The following MIS18A variants were observed in gnomAD, a reference collection of about 807,000 sequenced individuals.
The protein encoded by MIS18A is protein Mis18-alpha.
MIS18A carries 14 observed loss-of-function variants against 25.0 expected under a neutral mutation model. The ratio of observed to expected loss-of-function variants is 0.56; its 90% CI spans 0.37 to 0.88. The LOEUF is 0.88. Ranked by LOEUF, MIS18A falls within the 40% of genes least tolerant of loss-of-function variation. The pLI, the probability that MIS18A is intolerant of heterozygous loss-of-function variation, is 0.00. For synonymous variants in MIS18A, 134 were observed against 118.6 expected, an observed-to-expected ratio of 1.13 and a Z score of -0.84; for missense variants, 292 against 290.8, an observed-to-expected ratio of 1.00 and a Z score of -0.03.
chr21:32,268,915 C>T lies in MIS18A; in HGVS notation c.*122G>A, dbSNP rs1198881243. Reference sequence around the variant, plus strand: ...ATCTGATCCTCCCACCTCAGCGTTTCGCATGCCTGGCTAATTTTTTTTTTC... The same window carrying T: ...ATCTGATCCTCCCACCTCAGCGTTTTGCATGCCTGGCTAATTTTTTTTTTC... On this transcript the variant is annotated 3_prime_UTR_variant, in exon 5 of 5. Transcript: ENST00000290130. The T allele has an allele frequency of 4.4e-6, 3 of 682,570 alleles. No individual in the cohort carries two copies. The highest frequency in any genetic ancestry group is 2.8e-5 in the East Asian group (1 of 36,298). 42.3% of individuals were successfully genotyped at this position (682,570 alleles called of 1,614,324 possible). A position where few individuals can be genotyped will look rare whatever the true frequency, so the allele number is the denominator to read the frequency against.
the MIS18A span, among the ~76,000 whole-genome samples, chr21:32,257,111 C>T: frequency 6.6e-3 from 999 of 152,248 alleles, 11 homozygotes; most frequent in African/African-American, 0.023. Context: ...GGCTGACATC[C>T]AAAGCTGACT....
At chr21:32,214,525 C>G in the MIS18A span, among the ~76,000 whole-genome samples, 1 of 152,092 alleles carries the variant, frequency 6.6e-6, no homozygotes, top group South Asian at 2.1e-4. Flanking sequence ...GTTTTAAAAG[C>G]TTTTTGTCTT....
chr21:32,257,232 TCA>T, the MIS18A span, among the ~76,000 whole-genome samples: 1 of 152,208 alleles, frequency 6.6e-6, no homozygotes, highest in East Asian at 1.9e-4. Flanking sequence ...TCTGTCTTCT[TCA>T]CAGAGAGTAA....
At chr21:32,195,158 T>A in the MIS18A span, among the ~76,000 whole-genome samples, 1 of 152,242 alleles carries the variant, frequency 6.6e-6, no homozygotes, top group African/African-American at 2.4e-5. Context: ...ATCTGTCATA[T>A]GGCAGGCCTC....
chr21:32,164,420 G>A, the MIS18A span, among the ~76,000 whole-genome samples: 15 of 151,990 alleles, frequency 9.9e-5, no homozygotes, highest in Non-Finnish European at 2.1e-4. Flanking sequence ...TTATTTAGAG[G>A]ATACTTTATT....
the MIS18A span, among the ~76,000 whole-genome samples, chr21:32,258,736 C>T: frequency 6.6e-6 from 1 of 152,180 alleles, no homozygotes; most frequent in African/African-American, 2.4e-5. Flanking sequence ...CCTAAGTCAG[C>T]TCGTGTCACA....
chr21:32,253,440 A>T, the MIS18A span, among the ~76,000 whole-genome samples: 1 of 134,774 alleles, frequency 7.4e-6, no homozygotes, highest in East Asian at 2.5e-4. Flanking sequence ...AAATTCCCAG[A>T]ATTCATTATT....
At chr21:32,251,375 C>T in the MIS18A span, among the ~76,000 whole-genome samples, 26 of 152,136 alleles carry the variant, frequency 1.7e-4, 1 homozygote, top group Non-Finnish European at 2.8e-4. Flanking sequence ...CTCCTTCCCT[C>T]TCCCACCTCC....
the MIS18A span, among the ~76,000 whole-genome samples, chr21:32,165,917 A>G: frequency 1.9e-4 from 29 of 152,304 alleles, 1 homozygote; most frequent in Admixed American, 1.8e-3. Context: ...ACAATGATAA[A>G]CAAGACCAAT....
the MIS18A span, among the ~76,000 whole-genome samples, chr21:32,191,164 G>C: frequency 5.3e-5 from 8 of 152,350 alleles, no homozygotes; most frequent in South Asian, 2.1e-4. Context: ...ATGTCCAGGG[G>C]ATAAATGCAT....
chr21:32,251,335 GTC>G, the MIS18A span, among the ~76,000 whole-genome samples: 1 of 151,462 alleles, frequency 6.6e-6, no homozygotes, highest in African/African-American at 2.4e-5. Flanking sequence ...TCAATACCCA[GTC>G]TCTCTCTCTC....
chr21:32,189,903 T>C, the MIS18A span, among the ~76,000 whole-genome samples: 5 of 152,236 alleles, frequency 3.3e-5, no homozygotes, highest in South Asian at 1.0e-3. Context: ...CGTCTTTTCC[T>C]GTTTGTGCTC....
At chr21:32,178,671 T>C in the MIS18A span, among the ~76,000 whole-genome samples, 1 of 152,192 alleles carries the variant, frequency 6.6e-6, no homozygotes, top group Non-Finnish European at 1.5e-5. Context: ...TCTTGGTCTT[T>C]GACTAAGTAC....
the MIS18A span, among the ~76,000 whole-genome samples, chr21:32,247,233 C>T: frequency 6.6e-6 from 1 of 152,194 alleles, no homozygotes; most frequent in African/African-American, 2.4e-5. Context: ...ACTTGGTAAG[C>T]AGTGGCATGA....
At chr21:32,171,120 G>A in the MIS18A span, among the ~76,000 whole-genome samples, 1 of 152,020 alleles carries the variant, frequency 6.6e-6, no homozygotes, top group Non-Finnish European at 1.5e-5. Context: ...ACATTATACT[G>A]GAGGGTTTAG....
downstream of MIS18A, among the ~76,000 whole-genome samples, chr21:32,267,223 T>C (rs2031622585): frequency 6.6e-6 from 1 of 152,248 alleles, no homozygotes; most frequent in Non-Finnish European, 1.5e-5. Context: ...AGGCCAAAGA[T>C]GAAGACTGTC....
At chr21:32,207,721 G>C in the MIS18A span, among the ~76,000 whole-genome samples, 5 of 151,632 alleles carry the variant, frequency 3.3e-5, no homozygotes, top group Middle Eastern at 3.2e-3. Flanking sequence ...TAAATATAAA[G>C]GTCTTGTTGA....
At chr21:32,196,225 G>T in the MIS18A span, among the ~76,000 whole-genome samples, 4 of 152,102 alleles carry the variant, frequency 2.6e-5, no homozygotes, top group Admixed American at 2.0e-4. Flanking sequence ...CCTGTTGAAG[G>T]ACTGAATGGA....
chr21:32,183,532 G>T, the MIS18A span, among the ~76,000 whole-genome samples: 5 of 152,204 alleles, frequency 3.3e-5, no homozygotes, highest in East Asian at 9.6e-4. Flanking sequence ...TCTCATCTGA[G>T]TGAGAAGTGT....
Sources: gnomAD v4.1 joint callset for allele counts (sites outside exome capture counted in the v4.1 genomes callset) on GRCh38, gnomAD v4.1.1 for gene constraint, MANE v1.5 for transcripts, NCBI Gene and HGNC (gene_info 2026-07-23, HGNC 2026-07-21) for gene names.